Variants in ZNF18 observed in about 807,000 individuals in gnomAD.
ZNF18 encodes the protein zinc finger protein 18.
ZNF18 carries 42 observed loss-of-function variants against 58.1 expected under a neutral mutation model. That is an observed-to-expected ratio of 0.72 (90% CI 0.56 to 0.93). The LOEUF (loss-of-function observed/expected upper bound fraction) is 0.93, where lower values mean the gene tolerates loss of function less well. Ranked by LOEUF, ZNF18 falls within the 40% of genes least tolerant of loss-of-function variation. The pLI is 0.00. For synonymous variants in ZNF18, 231 were observed against 239.8 expected, an observed-to-expected ratio of 0.96 and a Z score of 0.34; for missense variants, 540 against 644.2, an observed-to-expected ratio of 0.84 and a Z score of 1.75.
At chr17:12,020,698 G>A in the ZNF18 span, 3 of 359,166 alleles carry the variant, frequency 8.4e-6, no homozygotes, top group South Asian at 1.5e-4. Flanking sequence ...CCAGAGCCGG[G>A]CGGTTCTGCA....
chr17:11,991,246 A>C, intron 2 of ZNF18, 83 bp from the exon 3 acceptor site: 1 of 1,185,092 alleles, frequency 8.4e-7, no homozygotes, highest in Non-Finnish European at 1.2e-6. Flanking sequence ...TCTCTACAAC[A>C]GATCATAAGA....
chr17:11,993,821 C>T (rs1040301169), intron 1 of ZNF18, among the ~76,000 whole-genome samples: 1 of 7,362 alleles, frequency 1.4e-4, no homozygotes, highest in African/African-American at 2.5e-4. Context: ...GAGACTCCGT[C>T]TCACAAAAAA....
At position 11,990,513 on chromosome 17, in the gene ZNF18, C is replaced by T. The variant is rs750596606; in HGVS notation, c.615G>A (p.Arg205=). 10 of 1,612,402 alleles carry T rather than the reference C, an allele frequency of 6.2e-6. No individual in the cohort carries two copies. The highest frequency in any genetic ancestry group is 8.5e-6 in the Non-Finnish European group (10 of 1,179,688). ...AASQPARLEE[R]LIRDQDLGAS... is the part of the protein sequence containing the mutation. ...CTCCGAGGTCCTGGTCTCTGATCAG[C>T]CTTTCCTCCAGTCGGGCAGGCTGGG... Residue 205 remains arginine, a synonymous_variant, in exon 4 of 7, where the codon AGG becomes AGA. Transcript: ENST00000580306.
At chr17:12,007,723 C>T in the ZNF18 span, among the ~76,000 whole-genome samples, 3 of 152,176 alleles carry the variant, frequency 2.0e-5, no homozygotes, top group African/African-American at 7.2e-5. Flanking sequence ...ATTTTCTCTG[C>T]ATTTGGTTTT....
intron 4 of ZNF18, among the ~76,000 whole-genome samples, chr17:11,985,293 T>C (rs1211626310): frequency 6.6e-6 from 1 of 152,168 alleles, no homozygotes; most frequent in African/African-American, 2.4e-5. Flanking sequence ...AGCTGACTAT[T>C]AGAAACTCAG....
chr17:12,005,823 TACA>T, the ZNF18 span, among the ~76,000 whole-genome samples: 2 of 152,202 alleles, frequency 1.3e-5, no homozygotes, highest in Non-Finnish European at 2.9e-5. Context: ...TTTTATAATG[TACA>T]ACATGTAGGC....
Position 11,982,775 on chromosome 17 carries a change from A to G in ZNF18, c.862+522T>C, listed in dbSNP as rs1189137317. Among the ~76,000 whole-genome samples the G allele has an allele frequency of 3.9e-5, 6 of 152,164 alleles. No individual in the cohort carries two copies. The East Asian group carries it at 1.2e-3, about 29-fold the overall frequency. On this transcript the variant is annotated intron_variant, in intron 6 of 6. Transcript: ENST00000580306. ...GAAAGCAAAGAATGACTATTTTACA[A>G]GATAACAAGTTAAGATTTCTTCTTC... is the stretch of plus-strand genomic sequence containing the variant.
intron 5 of ZNF18, 92 bp downstream of exon 5, chr17:11,984,021 A>G: frequency 8.5e-7 from 1 of 1,181,452 alleles, no homozygotes; most frequent in Non-Finnish European, 1.2e-6. Context: ...GGCGATTTTC[A>G]GTTCAGCAGA....
At chr17:12,014,619 T>C in the ZNF18 span, among the ~76,000 whole-genome samples, 1 of 152,196 alleles carries the variant, frequency 6.6e-6, no homozygotes, top group African/African-American at 2.4e-5. Flanking sequence ...AGTAGATTTG[T>C]AGTTGCTGAA....
chr17:12,017,675 C>T, the ZNF18 span, among the ~76,000 whole-genome samples: 7 of 151,786 alleles, frequency 4.6e-5, no homozygotes, highest in Non-Finnish European at 7.4e-5. Context: ...GTCGGGAGTT[C>T]GAGACCAGCC....
Position 11,977,823 on chromosome 17 carries a change from TTCTC to T in ZNF18, c.*130_*133del. The T allele has an allele frequency of 9.2e-7, 1 of 1,087,186 alleles. No individual in the cohort carries two copies. The highest frequency in any genetic ancestry group is 1.7e-5 in the South Asian group (1 of 58,898). 67.3% of individuals were successfully genotyped at this position (1,087,186 alleles called of 1,614,324 possible). On this transcript the variant is annotated 3_prime_UTR_variant, in exon 7 of 7. Transcript: ENST00000580306. ...CTCCAAGTCCAAAGCCATGTCCAGA[TTCTC>T]TCCTCTCCAATCCAAGAAAAAAGGA... is the stretch of plus-strand genomic sequence containing the variant.
At chr17:12,004,822 G>A in the ZNF18 span, among the ~76,000 whole-genome samples, 1 of 150,614 alleles carries the variant, frequency 6.6e-6, no homozygotes, top group South Asian at 2.1e-4. Flanking sequence ...AGGAGACAGA[G>A]GTTGCAGTGA....
rs754736146 is a variant in ZNF18, at chr17:11,978,161, G to T, written c.1446C>A (p.His482Gln). ...GFSDFSGLRH[H>Q]EKIHTGEKPY... The stretch of plus-strand genomic sequence containing the variant: ...GTTTCTCTCCTGTGTGGATTTTCTC[G>T]TGGTGGCGCAATCCTGAGAAGTCAC... Residue 482 changes from histidine to glutamine, a missense_variant, in exon 7 of 7, where the codon CAC becomes CAA. Coordinates refer to ENST00000580306, the MANE Select transcript of ZNF18 (RefSeq NM_001303281.2). The T allele has an allele frequency of 1.2e-6, 2 of 1,613,924 alleles. No homozygotes were observed. Among genetic ancestry groups the T allele is most frequent in the South Asian group, 1.1e-5 (1 of 91,074 alleles).
chr17:11,978,840 CTTTTTTTTTTTTT>C, intron 6 of ZNF18, 96 bp from the exon 7 acceptor site: 7 of 117,386 alleles, frequency 6.0e-5, no homozygotes, highest in South Asian at 2.7e-4. Context: ...CATTCATTTT[CTTTTTTTTTTTTT>C]TTTTTTTTTT....
At chr17:12,009,271 T>C in the ZNF18 span, 1 of 152,114 alleles carries the variant, frequency 6.6e-6, no homozygotes, top group South Asian at 2.1e-4. Context: ...TATCCCTACA[T>C]GGCTGCTTCT....
chr17:11,988,580 G>C (rs550121702), intron 4 of ZNF18, among the ~76,000 whole-genome samples: 1 of 152,294 alleles, frequency 6.6e-6, no homozygotes, highest in African/African-American at 2.4e-5. Flanking sequence ...CACAGTGCTG[G>C]AAACAGTTCG....
At chr17:12,004,443 G>A in the ZNF18 span, among the ~76,000 whole-genome samples, 16 of 152,230 alleles carry the variant, frequency 1.1e-4, 1 homozygote, top group East Asian at 1.5e-3. Context: ...CAGTAATAAT[G>A]CAGGCACATG....
upstream of ZNF18, among the ~76,000 whole-genome samples, chr17:12,001,895 A>C (rs575702114): frequency 6.6e-6 from 1 of 152,132 alleles, no homozygotes; most frequent in African/African-American, 2.4e-5. Context: ...ATGAAAGCAC[A>C]TGCACTCCAA....
the ZNF18 span, chr17:12,020,861 C>G: frequency 4.7e-6 from 5 of 1,070,396 alleles, no homozygotes; most frequent in Non-Finnish European, 5.9e-6. Flanking sequence ...GCCGCCGCGG[C>G]GCCGCTCGGC....
Sources: gnomAD v4.1 joint callset for allele counts (sites outside exome capture counted in the v4.1 genomes callset) on GRCh38, gnomAD v4.1.1 for gene constraint, MANE v1.5 for transcripts, NCBI Gene and HGNC (gene_info 2026-07-23, HGNC 2026-07-21) for gene names.